The following SEMA3E variants were observed in gnomAD, a reference collection of about 807,000 sequenced individuals.
SEMA3E encodes semaphorin-3E.
Under a neutral mutation model 93.6 loss-of-function variants are expected in SEMA3E, and 49 were observed. That is an observed-to-expected ratio of 0.52 (90% CI 0.42 to 0.66). The LOEUF (loss-of-function observed/expected upper bound fraction) is 0.66. SEMA3E is among the 30% of genes least tolerant of loss of function. The probability of loss-of-function intolerance (pLI) is 0.00; values close to 1 mark genes in which losing one functional copy is unlikely to be tolerated. For missense variants in SEMA3E, 906 were observed against 964.8 expected (o/e 0.94, Z 0.81); for synonymous variants, 363 against 330.7 (o/e 1.10, Z -1.06).
intron 1 of SEMA3E, among the ~76,000 whole-genome samples, chr7:83,646,868 G>T: frequency 6.6e-6 from 1 of 151,752 alleles, no homozygotes; most frequent in East Asian, 1.9e-4. Context: ...CAATAATAGG[G>T]TATAAAATGT....
chr7:83,520,333 TC>T (rs1438445264), intron 1 of SEMA3E, among the ~76,000 whole-genome samples: 1 of 152,092 alleles, frequency 6.6e-6, no homozygotes, highest in Non-Finnish European at 1.5e-5. Context: ...CTGAGCTCCT[TC>T]CAAGGACCAA....
chr7:83,639,757 G>C (rs78736980), intron 1 of SEMA3E, among the ~76,000 whole-genome samples: 251 of 150,784 alleles, frequency 1.7e-3, no homozygotes, highest in African/African-American at 6.0e-3. Context: ...GATTTAGCAA[G>C]AATAAGACAG....
rs1006125089 is a variant in SEMA3E at position 83,365,458 on chromosome 7, C to T, written c.*2128G>A. On this transcript the variant is annotated 3_prime_UTR_variant, in exon 17 of 17. Coordinates refer to ENST00000643230, the MANE Select transcript of SEMA3E (RefSeq NM_012431.3). ...ACTTTCTTTGGGTTTGATTTATTTTCCTATAATAAATTTTAGCATTTTATG... is the reference window on the plus strand; with the variant it reads ...ACTTTCTTTGGGTTTGATTTATTTTTCTATAATAAATTTTAGCATTTTATG... 7 of 151,946 alleles carry T rather than the reference C, an allele frequency of 4.6e-5. No homozygotes were observed. Among genetic ancestry groups the T allele is most frequent in the African/African-American group, 1.7e-4 (7 of 41,354 alleles). The allele number at this position is 151,946 out of a possible 1,614,324, so 9.4% of individuals were successfully genotyped here. A position where few individuals can be genotyped will look rare whatever the true frequency, so the allele number is the denominator to read the frequency against.
At chr7:83,466,461 G>A (rs200918186) in intron 4 of SEMA3E, 21 bp downstream of exon 4, 296 of 1,612,934 alleles carry the variant, frequency 1.8e-4, no homozygotes, top group African/African-American at 9.3e-5. Context: ...TTTATTGACA[G>A]CAATGAATGA....
chr7:83,449,740 C>G (rs1206074814), intron 4 of SEMA3E, among the ~76,000 whole-genome samples: 1 of 152,022 alleles, frequency 6.6e-6, no homozygotes, highest in Non-Finnish European at 1.5e-5. Context: ...CTTTTCTCAC[C>G]CCCTAATTAC....
intron 1 of SEMA3E, among the ~76,000 whole-genome samples, chr7:83,593,282 CTCTG>C (rs1309409984): frequency 2.6e-4 from 28 of 107,420 alleles, no homozygotes; most frequent in South Asian, 1.6e-3. Context: ...CTCTCTCTCT[CTCTG>C]TGTGTGTGTG....
At chr7:83,568,383 A>G (rs564759531) in intron 1 of SEMA3E, among the ~76,000 whole-genome samples, 1 of 152,248 alleles carries the variant, frequency 6.6e-6, no homozygotes, top group South Asian at 2.1e-4. Flanking sequence ...TAAGAGGCCA[A>G]CATCACCCTG....
At chr7:83,368,824 A>G (rs770127091) in intron 16 of SEMA3E, among the ~76,000 whole-genome samples, 5 of 152,190 alleles carry the variant, frequency 3.3e-5, no homozygotes, top group Admixed American at 6.5e-5. Flanking sequence ...CGAATAGCTC[A>G]TGTTTTATCA....
intron 1 of SEMA3E, among the ~76,000 whole-genome samples, chr7:83,498,532 C>T (rs1249075433): frequency 6.6e-6 from 1 of 151,702 alleles, no homozygotes; most frequent in Non-Finnish European, 1.5e-5. Context: ...CGCTGGAGTG[C>T]AGTGGTGCGA....
chr7:83,574,458 T>TAA (rs201667930), intron 1 of SEMA3E, among the ~76,000 whole-genome samples: 5 of 109,466 alleles, frequency 4.6e-5, no homozygotes, highest in African/African-American at 1.4e-4. Context: ...AAGTAAAGTT[T>TAA]AAAAAAAAAA....
chr7:83,368,839 T>C (rs1350797986), intron 16 of SEMA3E, among the ~76,000 whole-genome samples: 1 of 152,160 alleles, frequency 6.6e-6, no homozygotes, highest in Non-Finnish European at 1.5e-5. Context: ...TTATCACAAA[T>C]AGCTGGACTA....
chr7:83,436,488 T>C (rs1439391783), intron 4 of SEMA3E, among the ~76,000 whole-genome samples: 1 of 151,758 alleles, frequency 6.6e-6, no homozygotes, highest in East Asian at 1.9e-4. Context: ...TACATACATA[T>C]ATATACACAC....
intron 1 of SEMA3E, among the ~76,000 whole-genome samples, chr7:83,607,441 G>A (rs1793147558): frequency 6.6e-6 from 1 of 152,156 alleles, no homozygotes; most frequent in East Asian, 1.9e-4. Flanking sequence ...CATAAGGGGA[G>A]AAGGCTGCCA....
At chr7:83,616,644 T>C (rs1207313755) in intron 1 of SEMA3E, 2 of 434,326 alleles carry the variant, frequency 4.6e-6, no homozygotes, top group Non-Finnish European at 9.1e-6. Flanking sequence ...TCCTCCTCCA[T>C]GTCTTTTCTT....
intron 16 of SEMA3E, among the ~76,000 whole-genome samples, chr7:83,373,600 A>G (rs1794779329): frequency 6.6e-6 from 1 of 152,174 alleles, no homozygotes; most frequent in Non-Finnish European, 1.5e-5. Flanking sequence ...GGAGAAGAAC[A>G]AATGTGGAAA....
intron 1 of SEMA3E, among the ~76,000 whole-genome samples, chr7:83,620,988 T>C (rs1793544476): frequency 6.6e-6 from 1 of 152,162 alleles, no homozygotes; most frequent in Non-Finnish European, 1.5e-5. Flanking sequence ...TTGGAAGTTC[T>C]GGCCAGGGAA....
At chr7:83,601,977 G>A (rs1370271332) in intron 1 of SEMA3E, among the ~76,000 whole-genome samples, 1 of 152,184 alleles carries the variant, frequency 6.6e-6, no homozygotes, top group Non-Finnish European at 1.5e-5. Context: ...ATCAATGTGA[G>A]CATATTCCTG....
chr7:83,482,243 C>G, intron 2 of SEMA3E, among the ~76,000 whole-genome samples: 1 of 151,948 alleles, frequency 6.6e-6, no homozygotes, highest in East Asian at 1.9e-4. Context: ...AATAACTAGT[C>G]TGAAAGTGGC....
intron 1 of SEMA3E, among the ~76,000 whole-genome samples, chr7:83,504,348 G>A (rs1202775993): frequency 6.6e-6 from 1 of 152,132 alleles, no homozygotes; most frequent in Non-Finnish European, 1.5e-5. Context: ...AACACTGTTG[G>A]TAGATGCTAT....
Sources: gnomAD v4.1 joint callset for allele counts (sites outside exome capture counted in the v4.1 genomes callset) on GRCh38, gnomAD v4.1.1 for gene constraint, MANE v1.5 for transcripts, NCBI Gene and HGNC (gene_info 2026-07-23, HGNC 2026-07-21) for gene names.